Variants in THRB observed in about 807,000 individuals in gnomAD.
The protein encoded by THRB is nuclear receptor subfamily 1 group A member 2.
A neutral mutation model predicts 47.8 loss-of-function variants in THRB; 12 were observed. That is an observed-to-expected ratio of 0.25 (90% CI 0.16 to 0.41). The LOEUF (loss-of-function observed/expected upper bound fraction) is 0.41, where lower values mean the gene tolerates loss of function less well. THRB is among the 10% of genes least tolerant of loss of function. The pLI, the probability that THRB is intolerant of heterozygous loss-of-function variation, is 1.00. For synonymous variants in THRB, 218 were observed against 212.2 expected, an observed-to-expected ratio of 1.03 and a Z score of -0.24; for missense variants, 348 against 589.2, an observed-to-expected ratio of 0.59 and a Z score of 4.24.
At chr3:24,135,847 A>ATATATATATATAAAAATT (rs371175625) in intron 8 of THRB, among the ~76,000 whole-genome samples, 4 of 131,004 alleles carry the variant, frequency 3.1e-5, no homozygotes, top group African/African-American at 1.3e-4. Context: ...ATATATATAT[A>ATATATATATATAAAAATT]ATACATAAAT....
At chr3:24,421,359 A>AT (rs1024898351) in intron 1 of THRB, among the ~76,000 whole-genome samples, 4 of 139,194 alleles carry the variant, frequency 2.9e-5, no homozygotes, top group African/African-American at 1.0e-4. Context: ...TAAAAGTCAC[A>AT]TTAAAAAAAA....
intron 1 of THRB, among the ~76,000 whole-genome samples, chr3:24,468,465 C>G (rs2074316485): frequency 6.6e-6 from 1 of 152,208 alleles, no homozygotes; most frequent in African/African-American, 2.4e-5. Context: ...TCATTTCCAG[C>G]TTTTGATTTA....
chr3:24,402,160 C>T (rs912272112), intron 1 of THRB, among the ~76,000 whole-genome samples: 1 of 151,996 alleles, frequency 6.6e-6, no homozygotes, highest in Non-Finnish European at 1.5e-5. Flanking sequence ...CAGCTTTGGC[C>T]GACACAAGGA....
intron 1 of THRB, among the ~76,000 whole-genome samples, chr3:24,375,807 T>A (rs1037705117): frequency 1.3e-5 from 2 of 152,216 alleles, no homozygotes; most frequent in Admixed American, 1.3e-4. Flanking sequence ...TCTTTTCTTT[T>A]CTTTTTTGAA....
chr3:24,180,313 T>C (rs59246511), intron 5 of THRB, among the ~76,000 whole-genome samples: 4,849 of 152,284 alleles, frequency 0.032, 111 homozygotes, highest in South Asian at 0.069. Context: ...CTGCAAGTCA[T>C]AGAATATTGC....
In THRB at chr3:24,386,854, A is replaced by G. The variant is rs114734119; in HGVS notation, c.-260-49483T>C. Among the ~76,000 whole-genome samples, 237 of 152,280 alleles carry G rather than the reference A, an allele frequency of 1.6e-3. 2 individuals carry two copies. The highest frequency in any genetic ancestry group is 5.1e-3 in the African/African-American group (210 of 41,564). The stretch of plus-strand genomic sequence containing the variant: ...TTCATATCTATACAAAGAGGAAGAT[A>G]ACAGCCTCTATATTGCAGGGTTGTG... On this transcript the variant is annotated intron_variant, in intron 1 of 10. Coordinates refer to ENST00000646209, the MANE Select transcript of THRB (RefSeq NM_001354712.2).
chr3:24,128,665 C>T (rs1332576971), intron 9 of THRB, among the ~76,000 whole-genome samples: 1 of 151,034 alleles, frequency 6.6e-6, no homozygotes, highest in African/African-American at 2.4e-5. Flanking sequence ...CCATGCATCA[C>T]CTCATTTAAT....
intron 3 of THRB, among the ~76,000 whole-genome samples, chr3:24,230,436 T>C (rs1478978996): frequency 1.3e-5 from 2 of 152,198 alleles, no homozygotes; most frequent in African/African-American, 2.4e-5. Context: ...AGCTGCCAAA[T>C]TGGCACCTGA....
chr3:24,256,901 T>C (rs1053304216), intron 3 of THRB, among the ~76,000 whole-genome samples: 8 of 152,252 alleles, frequency 5.3e-5, no homozygotes, highest in African/African-American at 1.9e-4. Context: ...CAGGGAAATG[T>C]TGATGGCCCA....
intron 4 of THRB, among the ~76,000 whole-genome samples, chr3:24,210,134 A>G (rs2045870486): frequency 1.3e-5 from 2 of 152,142 alleles, no homozygotes; most frequent in Non-Finnish European, 2.9e-5. Flanking sequence ...GTGCTGCAAA[A>G]TGGTCCATGC....
Position 24,152,270 on chromosome 3 carries a change from A to T in THRB, c.384+120T>A, listed in dbSNP as rs2037076764. The T allele has an allele frequency of 7.6e-6, 5 of 658,914 alleles. No homozygotes were observed. In the Admixed American group the frequency reaches 8.9e-5, roughly 12 times the overall value. The allele number at this position is 658,914 out of a possible 1,614,324, so 40.8% of individuals were successfully genotyped here. A position where few individuals can be genotyped will look rare whatever the true frequency, so the allele number is the denominator to read the frequency against. On this transcript the variant is annotated intron_variant, in intron 6 of 10. Transcript: ENST00000646209. The stretch of plus-strand genomic sequence containing the variant: ...CAACCAGACACCTGGATGATCACAG[A>T]CCATGGATGTTAGAATTTGATTTTA...
chr3:24,166,940 G>A (rs544283207), intron 5 of THRB, among the ~76,000 whole-genome samples: 44 of 152,106 alleles, frequency 2.9e-4, no homozygotes, highest in Non-Finnish European at 4.9e-4. Flanking sequence ...AACAAATTAT[G>A]GGGTGTCTGT....
At chr3:24,339,161 ACCT>A (rs1355148295) in intron 1 of THRB, among the ~76,000 whole-genome samples, 1 of 152,074 alleles carries the variant, frequency 6.6e-6, no homozygotes, top group African/African-American at 2.4e-5. Context: ...CAAAAATTGG[ACCT>A]CAATATTTTT....
At chr3:24,150,523 A>G (rs1362063066) in intron 6 of THRB, among the ~76,000 whole-genome samples, 1 of 152,192 alleles carries the variant, frequency 6.6e-6, no homozygotes, top group African/African-American at 2.4e-5. Context: ...TTCTTTTAAG[A>G]AAACCTCAGC....
chr3:24,493,560 A>G (rs1698510420), intron 1 of THRB, among the ~76,000 whole-genome samples: 2 of 152,254 alleles, frequency 1.3e-5, no homozygotes, highest in South Asian at 4.1e-4. Context: ...GGAAGAAGGT[A>G]TTTCAAATAT....
intron 5 of THRB, among the ~76,000 whole-genome samples, chr3:24,162,558 G>A (rs1340916976): frequency 6.6e-6 from 1 of 151,732 alleles, no homozygotes; most frequent in African/African-American, 2.4e-5. Context: ...AAATTACATC[G>A]GTTTTCCCCT....
intron 8 of THRB, among the ~76,000 whole-genome samples, chr3:24,140,713 ACT>A (rs1335903269): frequency 1.3e-5 from 2 of 152,166 alleles, no homozygotes; most frequent in African/African-American, 4.8e-5. Context: ...GCCAAAATGC[ACT>A]GTTTAAAGGC....
chr3:24,269,287 AC>A (rs2052997327), intron 3 of THRB, among the ~76,000 whole-genome samples: 2 of 86,040 alleles, frequency 2.3e-5, no homozygotes, highest in Non-Finnish European at 4.9e-5. Context: ...CCACACACAC[AC>A]ACACACACAC....
intron 1 of THRB, among the ~76,000 whole-genome samples, chr3:24,469,448 T>C (rs146651623): frequency 2.8e-3 from 433 of 152,346 alleles, no homozygotes; most frequent in African/African-American, 9.9e-3. Flanking sequence ...TATCCCTGAC[T>C]GTGCAACTCC....
Sources: allele counts gnomAD v4.1 joint callset (sites outside exome capture counted in the v4.1 genomes callset), GRCh38; gene constraint gnomAD v4.1.1; transcripts MANE v1.5; gene names NCBI Gene and HGNC (gene_info 2026-07-23, HGNC 2026-07-21).